The following MCM10 variants were observed in gnomAD, a reference collection of about 807,000 sequenced individuals.
MCM10 encodes protein MCM10 homolog.
MCM10 carries 91 observed loss-of-function variants against 109.9 expected under a neutral mutation model. That is an observed-to-expected ratio of 0.83 (90% CI 0.70 to 0.99). The LOEUF (loss-of-function observed/expected upper bound fraction) is 0.99. MCM10 is among the 50% of genes least tolerant of loss of function. MCM10 has a pLI of 0.00. For synonymous variants in MCM10, 380 were observed against 387.2 expected (o/e 0.98, Z 0.22); for missense variants, 1,077 against 1,061.2 (o/e 1.01, Z -0.21).
intron 1 of MCM10, 99 bp from the exon 2 acceptor site, chr10:13,164,029 A>G: frequency 2.2e-6 from 1 of 445,256 alleles, no homozygotes; most frequent in Non-Finnish European, 4.0e-6. Context: ...TTCTGAGGTT[A>G]GAGCCCATAG....
Position 13,183,056 on chromosome 10 carries a change from A to C in MCM10, c.1054A>C (p.Ile352Leu), listed in dbSNP as rs1361549338. The change falls in exon 8 of 20, where the codon ATC becomes CTC. Residue 352 changes from isoleucine to leucine, a missense_variant. Coordinates refer to ENST00000378714, the MANE Select transcript of MCM10 (RefSeq NM_018518.5). The part of the protein sequence containing the change: ...WKTEQGTVVG[I>L]LNANPMKPKD... Reference sequence around the variant, plus strand: ...GACGGAGCAGGGGACTGTCGTAGGGATCCTCAATGCCAACCCCATGAAGCC... The same window carrying C: ...GACGGAGCAGGGGACTGTCGTAGGGCTCCTCAATGCCAACCCCATGAAGCC... The C allele has an allele frequency of 1.2e-6, 2 of 1,614,012 alleles. No homozygotes were observed. The highest frequency in any genetic ancestry group is 8.5e-7 in the Non-Finnish European group (1 of 1,180,010).
In MCM10 at chr10:13,180,468, T is replaced by G. The variant is rs748796061; in HGVS notation, c.791T>G (p.Met264Arg). Residue 264 changes from methionine to arginine, a missense_variant, in exon 7 of 20, where the codon ATG (methionine) becomes AGG (arginine). By Grantham distance (91) the Met-to-Arg change is moderately conservative. Coordinates refer to ENST00000378714, the MANE Select transcript of MCM10 (RefSeq NM_018518.5). ...LRRPRVSSTE[M>R]NKKMTGRKLI... is the part of the protein sequence containing the mutation. ...CGGCCTCGAGTATCCTCCACAGAAA[T>G]GAACAAGAAAATGACCGGCCGAAAA... is the stretch of plus-strand genomic sequence containing the variant. 6.2e-7 allele frequency: 1 copy of G among 1,613,252 alleles called. No homozygotes were observed. Among genetic ancestry groups the G allele is most frequent in the Non-Finnish European group, 8.5e-7 (1 of 1,179,826 alleles).
chr10:13,170,792 C>T (rs1438055252), intron 2 of MCM10, 130 bp from the exon 3 acceptor site: 2 of 681,370 alleles, frequency 2.9e-6, no homozygotes, highest in Non-Finnish European at 4.9e-6. Context: ...TTGAACCCAT[C>T]ACCCAGGTAA....
At chr10:13,163,410 G>A (rs549588138) in intron 1 of MCM10, among the ~76,000 whole-genome samples, 10 of 152,328 alleles carry the variant, frequency 6.6e-5, no homozygotes, top group African/African-American at 2.4e-4. Context: ...GCACATGTAA[G>A]TTAAATAAGA....
intron 6 of MCM10, among the ~76,000 whole-genome samples, 175 bp from the exon 7 acceptor site, chr10:13,180,267 A>T (rs921748951): frequency 2.0e-5 from 3 of 151,656 alleles, no homozygotes; most frequent in African/African-American, 7.3e-5. Context: ...AAAAAAAAAG[A>T]ATTATTTATT....
chr10:13,163,863 C>T (rs1417942546), intron 1 of MCM10, among the ~76,000 whole-genome samples: 1 of 152,138 alleles, frequency 6.6e-6, no homozygotes, highest in Non-Finnish European at 1.5e-5. Flanking sequence ...TAATTTATCT[C>T]ATCCACGTAA....
chr10:13,180,581 A>G lies in MCM10; in HGVS notation c.904A>G (p.Lys302Glu), dbSNP rs1369341324. The G allele has an allele frequency of 6.2e-7, 1 of 1,614,168 alleles. No homozygotes were observed. The highest frequency in any genetic ancestry group is 8.5e-7 in the Non-Finnish European group (1 of 1,180,034). ...DWVTFGVILK[K>E]VTPQSVNSGK... The stretch of plus-strand genomic sequence containing the variant: ...GGTGACATTTGGGGTTATATTGAAG[A>G]AGGTTACGCCACAGAGTGTGAATAG... Residue 302 changes from lysine (K) to glutamate (E), a missense_variant, in exon 7 of 20, where the codon AAG becomes GAG. Coordinates refer to ENST00000378714, the MANE Select transcript of MCM10 (RefSeq NM_018518.5).
At chr10:13,183,868 GTGTGTATGTGATGGAGTTTCGCTCT>G (rs1265728514) in intron 8 of MCM10, among the ~76,000 whole-genome samples, 2 of 151,816 alleles carry the variant, frequency 1.3e-5, no homozygotes, top group African/African-American at 4.8e-5. Context: ...TGGTTTTTTT[GTGTGTATGTGATGGAGTTTCGCTCT>G]TGTTGCCTAG....
intron 7 of MCM10, 57 bp downstream of exon 7, chr10:13,180,664 G>A (rs1200543181): frequency 4.4e-6 from 7 of 1,585,540 alleles, no homozygotes; most frequent in Admixed American, 3.5e-5. Flanking sequence ...GTGGGAATTC[G>A]ATGTCCTGAA....
intron 8 of MCM10, among the ~76,000 whole-genome samples, chr10:13,185,124 T>A (rs1339966384): frequency 6.6e-6 from 1 of 152,114 alleles, no homozygotes; most frequent in Non-Finnish European, 1.5e-5. Flanking sequence ...AGGATCTGGG[T>A]TGAGCCAGTC....
chr10:13,168,909 C>G (rs1050869930), intron 2 of MCM10, among the ~76,000 whole-genome samples: 1 of 152,136 alleles, frequency 6.6e-6, no homozygotes, highest in Non-Finnish European at 1.5e-5. Flanking sequence ...AAAAAGCAGC[C>G]CCCAAGTAAT....
At chr10:13,179,289 A>G (rs1001415721) in intron 6 of MCM10, among the ~76,000 whole-genome samples, 1 of 152,092 alleles carries the variant, frequency 6.6e-6, no homozygotes, top group African/African-American at 2.4e-5. Context: ...GTTCCCAGAT[A>G]TGCTCCAGAA....
chr10:13,191,230 G>T (rs1834342933), intron 10 of MCM10, 69 bp from the exon 11 acceptor site: 1 of 991,046 alleles, frequency 1.0e-6, no homozygotes, highest in Non-Finnish European at 1.6e-6. Flanking sequence ...TGATATCTAT[G>T]CCTTCTTTAC....
rs767447294 is a variant in MCM10 at position 13,198,638 on chromosome 10, G to A, written c.2120-51G>A. On this transcript the variant is annotated intron_variant, in intron 15 of 19. Transcript: ENST00000378714. ...GGGAGTAGAGTTGATGAGGCGCACT[G>A]GCTTTCTGAAATTTCTTGGTCGCTG... 5 of 1,243,176 alleles carry A rather than the reference G, an allele frequency of 4.0e-6. No homozygotes were observed. In the South Asian group the frequency reaches 6.0e-5, roughly 15 times the overall value. 77.0% of individuals were successfully genotyped at this position (1,243,176 alleles called of 1,614,324 possible).
chr10:13,208,826 C>A (rs1297918995), intron 18 of MCM10, among the ~76,000 whole-genome samples: 1 of 152,198 alleles, frequency 6.6e-6, no homozygotes, highest in African/African-American at 2.4e-5. Flanking sequence ...GTGCGTGGAT[C>A]CCTGTGGTGC....
chr10:13,207,526 C>A (rs777202311), intron 18 of MCM10, among the ~76,000 whole-genome samples: 20 of 152,124 alleles, frequency 1.3e-4, no homozygotes, highest in Non-Finnish European at 2.5e-4. Flanking sequence ...GTGTCCCCAC[C>A]CAGATCTCAT....
chr10:13,195,231 C>T lies in MCM10; in HGVS notation c.1936C>T (p.Pro646Ser), dbSNP rs1260867843. 1 of 1,610,412 alleles carries T rather than the reference C, an allele frequency of 6.2e-7. No homozygotes were observed. Among genetic ancestry groups the T allele is most frequent in the South Asian group, 1.1e-5 (1 of 90,330 alleles). ...TCTCTTTTATGATGAGTCACCACCA[C>T]CAAGACCAAAACTGAGTGCTTTAGC... ...DVLFYDESPPPRPKLSALAEA... is the reference protein window; with the variant it reads ...DVLFYDESPPSRPKLSALAEA... Residue 646 changes from proline to serine, a missense_variant, in exon 14 of 20, where the codon CCA becomes TCA. Coordinates refer to ENST00000378714, the MANE Select transcript of MCM10 (RefSeq NM_018518.5).
At chr10:13,199,314 C>G (rs545372939) in intron 16 of MCM10, among the ~76,000 whole-genome samples, 5 of 152,304 alleles carry the variant, frequency 3.3e-5, no homozygotes, top group Admixed American at 1.3e-4. Flanking sequence ...TGTCTCTTTA[C>G]TGAAGAATAT....
intron 2 of MCM10, among the ~76,000 whole-genome samples, chr10:13,165,739 G>T (rs529108613): frequency 1.3e-5 from 2 of 152,078 alleles, no homozygotes; most frequent in African/African-American, 4.8e-5. Context: ...ACCTGGTGTG[G>T]TGGCATGTGA....
Sources: gnomAD v4.1 joint callset for allele counts (sites outside exome capture counted in the v4.1 genomes callset) on GRCh38, gnomAD v4.1.1 for gene constraint, MANE v1.5 for transcripts, NCBI Gene and HGNC (gene_info 2026-07-23, HGNC 2026-07-21) for gene names.